Variants in NGEF observed in about 807,000 individuals in gnomAD.
NGEF encodes the protein neuronal guanine nucleotide exchange factor.
In NGEF, 31 loss-of-function variants were observed where a neutral mutation model predicts 80.9. That is an observed-to-expected ratio of 0.38 (90% CI 0.29 to 0.52). The LOEUF (loss-of-function observed/expected upper bound fraction) is 0.52. Ranked by LOEUF, NGEF falls within the 20% of genes least tolerant of loss-of-function variation. The probability of loss-of-function intolerance (pLI) is 0.84; values close to 1 mark genes in which losing one functional copy is unlikely to be tolerated. For synonymous variants in NGEF, 371 were observed against 370.2 expected, an observed-to-expected ratio of 1.00 and a Z score of -0.03; for missense variants, 709 against 926.2, an observed-to-expected ratio of 0.77 and a Z score of 3.04.
chr2:232,950,130 C>T (rs949290577), intron 3 of NGEF, among the ~76,000 whole-genome samples: 2 of 152,142 alleles, frequency 1.3e-5, no homozygotes, highest in East Asian at 1.9e-4. Flanking sequence ...TTTTAAAGTA[C>T]CAGTTTGATG....
intron 3 of NGEF, among the ~76,000 whole-genome samples, chr2:232,948,796 T>A (rs1574630586): frequency 1.3e-5 from 2 of 151,976 alleles, no homozygotes; most frequent in Non-Finnish European, 2.9e-5. Flanking sequence ...GGCAGGCGGG[T>A]CACTTGAGGT....
At chr2:232,899,791 TTCAC>T (rs1228889775) in intron 5 of NGEF, among the ~76,000 whole-genome samples, 41 of 89,620 alleles carry the variant, frequency 4.6e-4, no homozygotes, top group South Asian at 1.2e-3. Context: ...TTCACTCACA[TTCAC>T]TCACACACAC....
chr2:232,886,114 G>A (rs1559191084), intron 9 of NGEF, among the ~76,000 whole-genome samples: 1 of 151,492 alleles, frequency 6.6e-6, no homozygotes, highest in Non-Finnish European at 1.5e-5. Flanking sequence ...ATGTGTGCAT[G>A]TGTGTGCTGT....
chr2:232,990,693 T>C (rs1019327511), intron 1 of NGEF, among the ~76,000 whole-genome samples: 7 of 152,058 alleles, frequency 4.6e-5, no homozygotes, highest in East Asian at 1.9e-4. Context: ...AAAAATAAAT[T>C]CTTATCTCTA....
chr2:232,974,620 G>A lies in NGEF; in HGVS notation c.268+3C>T, dbSNP rs751370148. On this transcript the variant is annotated splice_donor_region_variant and intron_variant, in intron 2 of 14. Transcript: ENST00000264051. ...AGCCGTGACAGCTGTCCCTGATACT[G>A]ACCTGCCAGGCAGCTGGCGTTCCGT... 18 of 1,613,570 alleles carry A rather than the reference G, an allele frequency of 1.1e-5. 1 individual carries two copies. Among genetic ancestry groups the A allele is most frequent in the South Asian group, 9.9e-5 (9 of 90,994 alleles).
At chr2:232,957,813 C>T (rs1693861815) in intron 3 of NGEF, among the ~76,000 whole-genome samples, 1 of 152,214 alleles carries the variant, frequency 6.6e-6, no homozygotes, top group Non-Finnish European at 1.5e-5. Context: ...CCTAGAACCA[C>T]CTGCCCTGCA....
chr2:232,994,369 CAAAAAAAA>C (rs10591943), intron 1 of NGEF, among the ~76,000 whole-genome samples: 2 of 128,980 alleles, frequency 1.6e-5, no homozygotes, highest in Admixed American at 1.6e-4. Flanking sequence ...GACTTTGTCT[CAAAAAAAA>C]AAAAAAAAAA....
intron 3 of NGEF, among the ~76,000 whole-genome samples, chr2:232,928,585 C>T (rs1693147235): frequency 6.6e-6 from 1 of 152,146 alleles, no homozygotes; most frequent in Admixed American, 6.5e-5. Context: ...AATGTGTCCC[C>T]GCTGGAGGGG....
chr2:232,958,169 G>A (rs1337329684), intron 3 of NGEF, among the ~76,000 whole-genome samples: 1 of 152,126 alleles, frequency 6.6e-6, no homozygotes, highest in Non-Finnish European at 1.5e-5. Context: ...AATTTATGAT[G>A]CTCCATTTGT....
At chr2:232,942,252 T>G (rs1331577070) in intron 3 of NGEF, among the ~76,000 whole-genome samples, 1 of 152,162 alleles carries the variant, frequency 6.6e-6, no homozygotes, top group Non-Finnish European at 1.5e-5. Flanking sequence ...CCTGATCACT[T>G]TATTGGGAAG....
rs189747396 is a variant in NGEF, at chr2:232,961,482, A to T, written c.383+8732T>A. ...ACCTGACCCAAGGATGGTCAACCAG[A>T]TTATTTTATTTTTTATTTTTTATTT... On this transcript the variant is annotated intron_variant, in intron 3 of 14. Transcript: ENST00000264051. Among the ~76,000 whole-genome samples, 665 of 152,086 alleles carry T rather than the reference A, an allele frequency of 4.4e-3. 3 individuals are homozygous for T. Among genetic ancestry groups the T allele is most frequent in the Non-Finnish European group, 5.6e-3 (383 of 67,964 alleles).
intron 5 of NGEF, among the ~76,000 whole-genome samples, chr2:232,905,171 G>C (rs1451918824): frequency 6.6e-6 from 1 of 151,976 alleles, no homozygotes; most frequent in African/African-American, 2.4e-5. Context: ...GGACTGTCCT[G>C]CTGCCATCTC....
intron 3 of NGEF, among the ~76,000 whole-genome samples, chr2:232,937,595 C>A (rs1693354034): frequency 6.6e-6 from 1 of 152,172 alleles, no homozygotes; most frequent in African/African-American, 2.4e-5. Flanking sequence ...TTGGGGGCAA[C>A]TATGAAGAGG....
intron 9 of NGEF, among the ~76,000 whole-genome samples, chr2:232,887,727 C>T (rs751907903): frequency 6.6e-6 from 1 of 152,194 alleles, no homozygotes; most frequent in Admixed American, 6.5e-5. Flanking sequence ...CAGAGCTCCA[C>T]ACTGGTGAAG....
At chr2:232,937,194 C>T (rs1479923618) in intron 3 of NGEF, among the ~76,000 whole-genome samples, 3 of 152,138 alleles carry the variant, frequency 2.0e-5, no homozygotes, top group African/African-American at 7.2e-5. Flanking sequence ...TCTTGAACTC[C>T]TGACCTCAAG....
intron 3 of NGEF, among the ~76,000 whole-genome samples, chr2:232,954,079 G>T (rs1025347678): frequency 6.6e-6 from 1 of 152,146 alleles, no homozygotes. Context: ...TGTCTACCGA[G>T]GGAGCTGTGT....
intron 3 of NGEF, among the ~76,000 whole-genome samples, chr2:232,942,694 G>T (rs1191980304): frequency 4.6e-5 from 7 of 151,580 alleles, no homozygotes; most frequent in African/African-American, 1.7e-4. Context: ...GGCCAACATG[G>T]TGAAACCCCG....
intron 8 of NGEF, among the ~76,000 whole-genome samples, chr2:232,889,363 C>G (rs1485501152): frequency 6.6e-6 from 1 of 152,296 alleles, no homozygotes; most frequent in East Asian, 1.9e-4. Flanking sequence ...CAGCATGCTG[C>G]CTGATGTGGA....
intron 1 of NGEF, among the ~76,000 whole-genome samples, chr2:233,004,184 G>A (rs1238073936): frequency 6.6e-6 from 1 of 151,994 alleles, no homozygotes; most frequent in Non-Finnish European, 1.5e-5. Flanking sequence ...GAAAGCTGGA[G>A]GCTGGAGAGA....
Sources: allele counts gnomAD v4.1 joint callset (sites outside exome capture counted in the v4.1 genomes callset), GRCh38; gene constraint gnomAD v4.1.1; transcripts MANE v1.5; gene names NCBI Gene and HGNC (gene_info 2026-07-23, HGNC 2026-07-21).